RHOT2: variants seen among roughly 807,000 people sequenced by gnomAD.
The protein encoded by RHOT2 is ras homolog family member T2, also known as mitochondrial Rho GTPase 2.
A neutral mutation model predicts 81.6 loss-of-function variants in RHOT2; 90 were observed. The ratio of observed to expected loss-of-function variants is 1.10; its 90% CI spans 0.93 to 1.31. The LOEUF (loss-of-function observed/expected upper bound fraction) is 1.31, where lower values mean the gene tolerates loss of function less well. Ranked by LOEUF, RHOT2 falls within the 40% of genes most tolerant of loss-of-function variation. RHOT2 has a pLI of 0.00. For missense variants in RHOT2, 1,014 were observed against 841.9 expected (o/e 1.20, Z -2.53); for synonymous variants, 512 against 370.9 (o/e 1.38, Z -4.37).
rs762775298 is a variant in RHOT2 at position 669,598 on chromosome 16, A to G, written c.268A>G (p.Ile90Val). The G allele has an allele frequency of 5.6e-6, 9 of 1,611,722 alleles. No individual in the cohort carries two copies. Among genetic ancestry groups the G allele is most frequent in the Non-Finnish European group, 5.9e-6 (7 of 1,179,884 alleles). Residue 90 changes from isoleucine (I) to valine (V), a missense_variant, in exon 5 of 19, where the codon ATT becomes GTT. Physicochemically the swap from Ile to Val is conservative, Grantham distance 29 (BLOSUM62 3). Transcript: ENST00000315082. ...VVYDVSEEAT[I>V]EKIRTKWIPL... ...GTATGACGTCTCTGAGGAGGCCACC[A>G]TTGAGAAGGTGAGCCCTCAGTGCAG... is the stretch of plus-strand genomic sequence containing the variant.
rs769866215 is a variant in RHOT2, at chr16:670,808, C to T, written c.639+35C>T. 6 of 1,607,930 alleles carry T rather than the reference C, an allele frequency of 3.7e-6. No homozygotes were observed. In the African/African-American group the frequency reaches 4.0e-5, roughly 11 times the overall value. On this transcript the variant is annotated intron_variant, in intron 9 of 18. Transcript: ENST00000315082. ...TGCCCCACCCTCGGTGCCCAGCCCC[C>T]TTGAACCTCCGCTGCCGTTAGTGAC...
Position 670,377 on chromosome 16 carries a change from G to T in RHOT2, c.438+20G>T. On this transcript the variant is annotated intron_variant, in intron 7 of 18. Coordinates refer to ENST00000315082, the MANE Select transcript of RHOT2 (RefSeq NM_138769.3). ...GTGGAGGTGAGTAGGTCCCAGGCAG[G>T]GCCGCCTCCTTCATTCCTTGTGTTC... The T allele has an allele frequency of 1.2e-6, 2 of 1,611,730 alleles. No homozygotes were observed. Among genetic ancestry groups the T allele is most frequent in the Non-Finnish European group, 1.7e-6 (2 of 1,179,128 alleles).
At position 671,874 on chromosome 16, in the gene RHOT2, CCT is replaced by C. The variant is rs1263715849; in HGVS notation, c.973_974del (p.Ser325AlafsTer65). On this transcript the variant is annotated frameshift_variant, in exon 13 of 19. Transcript: ENST00000315082. LOFTEE classifies it high-confidence loss of function. ...TCCTTCTGCAGGACCGCGACGGCGC[CCT>C]CTCGCCCGTGGAGCTGCAAAGCCTT... Reference protein sequence around the residue: ...EKHDQDRDGALSPVELQSLFS... With the variant: ...EKHDQDRDGAXSPVELQSLFS... The C allele has an allele frequency of 1.9e-6, 3 of 1,611,710 alleles. No individual in the cohort carries two copies. The highest frequency in any genetic ancestry group is 1.7e-5 in the Admixed American group (1 of 59,962).
intron 11 of RHOT2, 83 bp from the exon 12 acceptor site, chr16:671,614 A>T (rs1257207369): frequency 3.4e-6 from 5 of 1,462,878 alleles, no homozygotes; most frequent in Non-Finnish European, 4.7e-6. Flanking sequence ...GGCTGCACCG[A>T]TGGGGCTGGC....
At position 674,138 on chromosome 16, in the gene RHOT2, A is replaced by T. The variant is rs1182124465; in HGVS notation, c.*532A>T. The stretch of plus-strand genomic sequence containing the variant: ...CTGTGTGTTTTCTATCTCGGATCCC[A>T]GTCTCTGAAGACAACTTGCTTTGAT... On this transcript the variant is annotated 3_prime_UTR_variant, in exon 19 of 19. Coordinates refer to ENST00000315082, the MANE Select transcript of RHOT2 (RefSeq NM_138769.3). 1.4e-5 allele frequency: 3 copies of T among 213,716 alleles called. No homozygotes were observed. The South Asian group carries it at 1.6e-4, about 12-fold the overall frequency. The allele number at this position is 213,716 out of a possible 1,614,324, so 13.2% of individuals were successfully genotyped here.
chr16:669,150 G>C, intron 4 of RHOT2: 1 of 391,350 alleles, frequency 2.6e-6, no homozygotes, highest in South Asian at 3.0e-5. Context: ...CTGTCACTCT[G>C]TCTGTAGCGA....
At chr16:668,906 G>C (rs1014400913) in intron 4 of RHOT2, 1 of 546,756 alleles carries the variant, frequency 1.8e-6, no homozygotes, top group East Asian at 3.3e-5. Context: ...GGGATAACAG[G>C]ACCCTTCCCC....
At position 672,338 on chromosome 16, in the gene RHOT2, T is replaced by C; in HGVS notation, c.1280T>C (p.Val427Ala). ...TGCAAGGTGGTAGGGGCCCGTGGAG[T>C]GGGCAAGTCTGCCTTCCTGCAGGCC... ...LLCKVVGARG[V>A]GKSAFLQAFL... The change falls in exon 15 of 19, where the codon GTG (valine) becomes GCG (alanine). Residue 427 changes from valine to alanine, a missense_variant. Transcript: ENST00000315082. 6.2e-7 allele frequency: 1 copy of C among 1,611,654 alleles called. No homozygotes were observed. The highest frequency in any genetic ancestry group is 8.5e-7 in the Non-Finnish European group (1 of 1,179,350).
intron 5 of RHOT2, chr16:669,859 G>GA: frequency 1.6e-6 from 1 of 615,836 alleles, no homozygotes; most frequent in South Asian, 2.0e-5. Context: ...CCCCCGGGGG[G>GA]GGACCCGCAG....
At position 671,976 on chromosome 16, in the gene RHOT2, C is replaced by G. The variant is rs1178968719; in HGVS notation, c.1071C>G (p.Pro357=). 3 of 1,612,164 alleles carry G rather than the reference C, an allele frequency of 1.9e-6. No homozygotes were observed. Among genetic ancestry groups the G allele is most frequent in the Non-Finnish European group, 2.5e-6 (3 of 1,179,754 alleles). Residue 357 remains proline, a synonymous_variant, in exon 13 of 19, where the codon CCC becomes CCG. Coordinates refer to ENST00000315082, the MANE Select transcript of RHOT2 (RefSeq NM_138769.3). The stretch of plus-strand genomic sequence containing the variant: ...TCCGCACAGAGGCCGGCCGGTTGCC[C>G]CTGCACGGATACCTCTGCCAGTGGA... ...RTVRTEAGRL[P]LHGYLCQWTL...
rs752348688 is a variant in RHOT2 at position 672,210 on chromosome 16, C to T, written c.1195+29C>T. On this transcript the variant is annotated intron_variant, in intron 14 of 18. Coordinates refer to ENST00000315082, the MANE Select transcript of RHOT2 (RefSeq NM_138769.3). ...GGCACCCACCCTCCCTGGGCCTGGG[C>T]CCAGTATCCTGGCAGCTGCCCTAAC... 6 of 1,612,082 alleles carry T rather than the reference C, an allele frequency of 3.7e-6. No individual in the cohort carries two copies. In the East Asian group the frequency reaches 6.7e-5, roughly 18 times the overall value.
In RHOT2 at chr16:673,111, G is replaced by A. The variant is rs777433755; in HGVS notation, c.1711G>A (p.Ala571Thr). Residue 571 changes from alanine (A) to threonine (T), a missense_variant, in exon 18 of 19, where the codon GCC becomes ACC. By Grantham distance (58) the Ala-to-Thr change is moderately conservative. Transcript: ENST00000315082. Reference sequence around the variant, plus strand: ...CAGCACCACCATCTTCACCCAGCTCGCCACCATGGCCGCCTTCCCGTGGGT... The same window carrying A: ...CAGCACCACCATCTTCACCCAGCTCACCACCATGGCCGCCTTCCCGTGGGT... ...EPSTTIFTQL[A>T]TMAAFPHLVH... 33 of 1,611,022 alleles carry A rather than the reference G, an allele frequency of 2.0e-5. No homozygotes were observed. The highest frequency in any genetic ancestry group is 2.5e-5 in the Non-Finnish European group (29 of 1,179,848).
At chr16:669,902 G>T in intron 5 of RHOT2, 1 of 614,486 alleles carries the variant, frequency 1.6e-6, no homozygotes, top group Non-Finnish European at 2.8e-6. Flanking sequence ...CTAGGCTTGG[G>T]CCCCAGTGAC....
rs752769321 is a variant in RHOT2, at chr16:668,342, G to C, written c.38-11G>C. 7.2e-7 allele frequency: 1 copy of C among 1,392,182 alleles called. No homozygotes were observed. Among genetic ancestry groups the C allele is most frequent in the African/African-American group, 1.5e-5 (1 of 66,490 alleles). 86.2% of individuals were successfully genotyped at this position (1,392,182 alleles called of 1,614,324 possible). On this transcript the variant is annotated splice_polypyrimidine_tract_variant and intron_variant, in intron 1 of 18. Transcript: ENST00000315082. ...CCTTGGCCCTCGCGCTGACCGCCTC[G>C]CCCCGCGCAGCCCAGGTGGGGAAGA... is the stretch of plus-strand genomic sequence containing the variant.
intron 11 of RHOT2, 73 bp downstream of exon 11, chr16:671,276 C>T (rs1438176411): frequency 4.0e-6 from 6 of 1,499,026 alleles, no homozygotes; most frequent in Non-Finnish European, 4.4e-6. Context: ...CTCTCCCCTC[C>T]ATGAGTGACG....
chr16:668,296 G>A lies in RHOT2; in HGVS notation c.38-57G>A, dbSNP rs148441370. Reference sequence around the variant, plus strand: ...GGCCGTGAGGCGGGGTGAGGGTCTCGGGGGTCGGGGGGCGCCGTGACCTTG... The same window carrying A: ...GGCCGTGAGGCGGGGTGAGGGTCTCAGGGGTCGGGGGGCGCCGTGACCTTG... On this transcript the variant is annotated intron_variant, in intron 1 of 18. Transcript: ENST00000315082. The A allele has an allele frequency of 8.9e-3, 11,689 of 1,315,740 alleles. 79 individuals carry two copies. Among genetic ancestry groups the A allele is most frequent in the Middle Eastern group, 0.014 (56 of 3,966 alleles). 81.5% of individuals were successfully genotyped at this position (1,315,740 alleles called of 1,614,324 possible). A position where few individuals can be genotyped will look rare whatever the true frequency, so the allele number is the denominator to read the frequency against.
At chr16:673,361 G>T in intron 18 of RHOT2, 119 bp from the exon 19 acceptor site, 1 of 1,479,316 alleles carries the variant, frequency 6.8e-7, no homozygotes, top group East Asian at 2.3e-5. Context: ...CACCGGCTGT[G>T]CCTCTGGTCT....
In RHOT2 at chr16:670,249, G is replaced by A; in HGVS notation, c.330G>A (p.Arg110=). 6.2e-7 allele frequency: 1 copy of A among 1,612,522 alleles called. No individual in the cohort carries two copies. Among genetic ancestry groups the A allele is most frequent in the South Asian group, 1.1e-5 (1 of 91,058 alleles). ...LVNGGTTQGP[R]VPIILVGNKS... ...TGGTGACCATGGGCCTTCAACCCAG[G>A]GTGCCCATCATCCTAGTGGGCAACA... Residue 110 remains arginine (R), a splice_region_variant and synonymous_variant, in exon 7 of 19, where the codon AGG becomes AGA. Transcript: ENST00000315082.
In RHOT2 at chr16:673,891, G is replaced by A; in HGVS notation, c.*285G>A. The A allele has an allele frequency of 3.3e-6, 2 of 606,438 alleles. No individual in the cohort carries two copies. The highest frequency in any genetic ancestry group is 6.1e-6 in the Non-Finnish European group (2 of 325,216). 37.6% of individuals were successfully genotyped at this position (606,438 alleles called of 1,614,324 possible). ...GATTGCCCACCCCTGGGCATCATGT[G>A]TGTGGGGCCGGGGAGCACAGGTGTG... On this transcript the variant is annotated 3_prime_UTR_variant, in exon 19 of 19. Coordinates refer to ENST00000315082, the MANE Select transcript of RHOT2 (RefSeq NM_138769.3).
Sources: allele counts gnomAD v4.1 joint callset, GRCh38; gene constraint gnomAD v4.1.1; transcripts MANE v1.5; gene names NCBI Gene and HGNC (gene_info 2026-07-23, HGNC 2026-07-21).